The following PKP4 variants were observed in gnomAD, a reference collection of about 807,000 sequenced individuals.
The protein encoded by PKP4 is plakophilin 4.
A neutral mutation model predicts 145.1 loss-of-function variants in PKP4; 90 were observed. The ratio of observed to expected loss-of-function variants is 0.62; its 90% confidence interval spans 0.52 to 0.74. The LOEUF (loss-of-function observed/expected upper bound fraction) is 0.74. Among genes scored for constraint, PKP4 ranks in the 30% least tolerant of loss-of-function variants. PKP4 has a pLI of 0.00. For synonymous variants in PKP4, 563 were observed against 577.2 expected (o/e 0.98, Z 0.35); for missense variants, 1,340 against 1,482.7 (o/e 0.90, Z 1.58).
In PKP4 at chr2:158,533,279, C is replaced by T; in HGVS notation, c.95C>T (p.Thr32Ile). 1 of 1,614,156 alleles carries T rather than the reference C, an allele frequency of 6.2e-7. No homozygotes were observed. ...ACTGGCCCAGGCATGGAACCCGAGA[C>T]CACAGCCACCACTATTCTAGCATCC... ...ASTGPGMEPE[T>I]TATTILASVK... is the part of the protein sequence containing the mutation. The change falls in exon 2 of 22, where the codon ACC becomes ATC. Residue 32 changes from threonine to isoleucine, a missense_variant. Physicochemically the swap from Thr to Ile is moderately conservative, Grantham distance 89. Transcript: ENST00000389759.
chr2:158,579,637 A>G (rs2048159194), intron 3 of PKP4, among the ~76,000 whole-genome samples: 1 of 152,154 alleles, frequency 6.6e-6, no homozygotes, highest in Admixed American at 6.5e-5. Context: ...AAAAAATTAC[A>G]AAGAACATAC....
At chr2:158,663,652 G>GATC (rs1442040162) in intron 15 of PKP4, among the ~76,000 whole-genome samples, 2 of 152,186 alleles carry the variant, frequency 1.3e-5, no homozygotes, top group East Asian at 3.9e-4. Flanking sequence ...CCCTCACTAT[G>GATC]AGAAACAGAA....
chr2:158,499,225 T>A (rs772794944), intron 1 of PKP4, among the ~76,000 whole-genome samples: 2 of 152,122 alleles, frequency 1.3e-5, no homozygotes, highest in Non-Finnish European at 1.5e-5. Flanking sequence ...TGATTTTTTT[T>A]AATTAAAAAA....
chr2:158,523,099 C>T (rs1335785565), intron 1 of PKP4, among the ~76,000 whole-genome samples: 1 of 152,228 alleles, frequency 6.6e-6, no homozygotes, highest in Non-Finnish European at 1.5e-5. Flanking sequence ...AACAAAGCAG[C>T]CTCAAAGCTA....
At chr2:158,507,981 C>T (rs1038978304) in intron 1 of PKP4, among the ~76,000 whole-genome samples, 4 of 152,066 alleles carry the variant, frequency 2.6e-5, no homozygotes, top group African/African-American at 4.8e-5. Context: ...GTGGCTGCTG[C>T]CTTTCTCCTT....
At chr2:158,487,349 G>A (rs1483339527) in intron 1 of PKP4, among the ~76,000 whole-genome samples, 1 of 152,160 alleles carries the variant, frequency 6.6e-6, no homozygotes, top group Non-Finnish European at 1.5e-5. Flanking sequence ...CTTTGGAAGT[G>A]CATAATCTTA....
chr2:158,485,099 G>T (rs541466684), intron 1 of PKP4, among the ~76,000 whole-genome samples: 4 of 152,176 alleles, frequency 2.6e-5, no homozygotes, highest in Admixed American at 1.3e-4. Context: ...AAGCCTCACC[G>T]TGGTCTACAA....
At chr2:158,477,975 A>C (rs1326935291) in intron 1 of PKP4, among the ~76,000 whole-genome samples, 1 of 152,226 alleles carries the variant, frequency 6.6e-6, no homozygotes, top group Non-Finnish European at 1.5e-5. Context: ...CTGATAAGCC[A>C]GGGACAAGGT....
chr2:158,642,394 C>A, intron 10 of PKP4, 92 bp from the exon 11 acceptor site: 2 of 920,052 alleles, frequency 2.2e-6, no homozygotes, highest in South Asian at 1.7e-5. Flanking sequence ...TAGAGATATC[C>A]ACATCCTGTG....
At chr2:158,627,614 T>C (rs929518389) in intron 7 of PKP4, among the ~76,000 whole-genome samples, 1 of 151,066 alleles carries the variant, frequency 6.6e-6, no homozygotes, top group Non-Finnish European at 1.5e-5. Context: ...GACTTGGGTA[T>C]TTGATGATCA....
Position 158,673,941 on chromosome 2 carries a change from T to G in PKP4, c.3068T>G (p.Phe1023Cys). ...GTGTCGACATTGGAGCGAGACCGAT[T>G]CAAATCACATCCTTCCTTGTCTACC... The part of the protein sequence containing the change: ...TPVSTLERDR[F>C]KSHPSLSTTN... The change falls in exon 19 of 22, where the codon TTC becomes TGC. Residue 1023 changes from phenylalanine to cysteine, a missense_variant. Phe to Cys is a radical substitution (Grantham distance 205, BLOSUM62 -2). Transcript: ENST00000389759. The G allele has an allele frequency of 1.2e-6, 2 of 1,613,500 alleles. No homozygotes were observed. The highest frequency in any genetic ancestry group is 2.7e-5 in the African/African-American group (2 of 75,050).
chr2:158,528,636 TAAAA>T (rs70994211), intron 1 of PKP4, among the ~76,000 whole-genome samples: 1 of 81,548 alleles, frequency 1.2e-5, no homozygotes, highest in Non-Finnish European at 2.3e-5. Context: ...TAAAGTATAA[TAAAA>T]AAAAAAAAAG....
intron 1 of PKP4, among the ~76,000 whole-genome samples, chr2:158,473,483 A>C (rs776200301): frequency 2.6e-5 from 4 of 152,234 alleles, no homozygotes; most frequent in Non-Finnish European, 5.9e-5. Flanking sequence ...CAGCCATAAA[A>C]ATAACAAGAT....
At chr2:158,518,955 T>C (rs1349112073) in intron 1 of PKP4, among the ~76,000 whole-genome samples, 1 of 152,202 alleles carries the variant, frequency 6.6e-6, no homozygotes, top group African/African-American at 2.4e-5. Flanking sequence ...CAGATGTAGC[T>C]TGTTTCATTC....
intron 3 of PKP4, among the ~76,000 whole-genome samples, chr2:158,601,306 AGGT>A (rs2050207141): frequency 1.3e-5 from 2 of 152,200 alleles, no homozygotes; most frequent in South Asian, 4.1e-4. Flanking sequence ...GAGAAACTTG[AGGT>A]ATACTAAACA....
chr2:158,471,087 C>T (rs989047429), intron 1 of PKP4, among the ~76,000 whole-genome samples: 12 of 152,204 alleles, frequency 7.9e-5, no homozygotes, highest in Non-Finnish European at 1.3e-4. Flanking sequence ...TCTGCACCCA[C>T]CATGAGCAGA....
At chr2:158,536,624 T>C (rs1437899073) in intron 2 of PKP4, among the ~76,000 whole-genome samples, 1 of 152,212 alleles carries the variant, frequency 6.6e-6, no homozygotes, top group African/African-American at 2.4e-5. Flanking sequence ...TTCACTGGGC[T>C]ATGCTTTCCC....
chr2:158,543,373 G>A (rs1289424835), intron 2 of PKP4, among the ~76,000 whole-genome samples: 1 of 152,046 alleles, frequency 6.6e-6, no homozygotes, highest in Non-Finnish European at 1.5e-5. Flanking sequence ...AGAGGAGAAG[G>A]GACCAAAGAA....
chr2:158,460,886 A>G (rs1176954557), intron 1 of PKP4, among the ~76,000 whole-genome samples: 1 of 152,216 alleles, frequency 6.6e-6, no homozygotes, highest in East Asian at 1.9e-4. Flanking sequence ...ACATAACACC[A>G]GAGGACTAGG....
Sources: allele counts gnomAD v4.1 joint callset (sites outside exome capture counted in the v4.1 genomes callset), GRCh38; gene constraint gnomAD v4.1.1; transcripts MANE v1.5; gene names NCBI Gene and HGNC (gene_info 2026-07-23, HGNC 2026-07-21).